SYNE1: variants seen among roughly 807,000 people sequenced by gnomAD.
SYNE1 encodes the protein spectrin repeat containing nuclear envelope protein 1.
A neutral mutation model predicts 1,111.0 loss-of-function variants in SYNE1; 616 were observed. That is an observed-to-expected ratio of 0.55 (90% CI 0.52 to 0.59). The LOEUF (loss-of-function observed/expected upper bound fraction) is 0.59, where lower values mean the gene tolerates loss of function less well. Among genes scored for constraint, SYNE1 ranks in the 20% least tolerant of loss-of-function variants. SYNE1 has a pLI of 0.00. For synonymous variants in SYNE1, 3,855 were observed against 3,825.8 expected (o/e 1.01, Z -0.28); for missense variants, 10,006 against 10,417.0 (o/e 0.96, Z 1.72).
At chr6:152,186,389 T>G (rs1356373490) in intron 128 of SYNE1, among the ~76,000 whole-genome samples, 3 of 151,110 alleles carry the variant, frequency 2.0e-5, no homozygotes, top group Admixed American at 6.6e-5. Flanking sequence ...AAACCCTGTC[T>G]CTACTAAAAA....
chr6:152,359,061 A>G (rs533260651), intron 65 of SYNE1, among the ~76,000 whole-genome samples: 17 of 152,346 alleles, frequency 1.1e-4, no homozygotes, highest in Non-Finnish European at 1.5e-4. Flanking sequence ...GAAGGTGTCC[A>G]GAATTTTTTT....
intron 4 of SYNE1, among the ~76,000 whole-genome samples, chr6:152,527,940 T>C (rs2099170845): frequency 6.6e-6 from 1 of 152,150 alleles, no homozygotes; most frequent in African/African-American, 2.4e-5. Context: ...GTGCTTTCCT[T>C]TTCCCTCCAG....
At chr6:152,499,170 A>C (rs1304369223) in intron 10 of SYNE1, among the ~76,000 whole-genome samples, 2 of 152,152 alleles carry the variant, frequency 1.3e-5, no homozygotes, top group African/African-American at 4.8e-5. Flanking sequence ...CCTCATAAGA[A>C]TTAAGAATGT....
At chr6:152,413,973 T>C (rs1427427036) in intron 41 of SYNE1, among the ~76,000 whole-genome samples, 3 of 145,400 alleles carry the variant, frequency 2.1e-5, no homozygotes, top group Admixed American at 7.3e-5. Context: ...TTAGCTTTAC[T>C]GAGCTCTGCA....
intron 3 of SYNE1, among the ~76,000 whole-genome samples, chr6:152,586,268 T>C (rs1411277851): frequency 6.6e-6 from 1 of 152,202 alleles, no homozygotes; most frequent in African/African-American, 2.4e-5. Flanking sequence ...AAGAGTGCAA[T>C]TTTAGCTTAA....
chr6:152,362,950 G>C (rs1242620085), intron 63 of SYNE1, among the ~76,000 whole-genome samples: 2 of 150,960 alleles, frequency 1.3e-5, no homozygotes, highest in African/African-American at 2.4e-5. Context: ...GCGCGATCTC[G>C]GCTCACTGCA....
intron 11 of SYNE1, among the ~76,000 whole-genome samples, chr6:152,488,842 T>C (rs552140524): frequency 9.2e-5 from 14 of 152,282 alleles, no homozygotes; most frequent in Non-Finnish European, 1.5e-4. Flanking sequence ...TCCTGTGGGT[T>C]GCTTCCTACC....
chr6:152,613,804 C>G (rs1299799738), intron 3 of SYNE1, among the ~76,000 whole-genome samples: 1 of 125,666 alleles, frequency 8.0e-6, no homozygotes, highest in Non-Finnish European at 1.9e-5. Context: ...AGCAATGGAA[C>G]AGAACAGAGC....
chr6:152,167,926 G>C, intron 130 of SYNE1: 1 of 769,270 alleles, frequency 1.3e-6, no homozygotes, highest in South Asian at 1.4e-5. Flanking sequence ...ATGCCCAGTA[G>C]AGGTACTAGA....
chr6:152,151,772 G>T, intron 134 of SYNE1, 82 bp from the exon 135 acceptor site: 1 of 1,553,982 alleles, frequency 6.4e-7, no homozygotes, highest in Non-Finnish European at 8.7e-7. Context: ...GCGAATTCCA[G>T]TGTTCTGTAA....
intron 95 of SYNE1, among the ~76,000 whole-genome samples, chr6:152,291,856 A>G (rs1033892552): frequency 2.0e-5 from 3 of 152,082 alleles, no homozygotes; most frequent in African/African-American, 7.2e-5. Context: ...TCTCAAATGC[A>G]CTCTAATCCA....
intron 3 of SYNE1, among the ~76,000 whole-genome samples, chr6:152,624,201 A>G (rs2099681544): frequency 6.6e-6 from 1 of 152,102 alleles, no homozygotes; most frequent in Non-Finnish European, 1.5e-5. Context: ...TTTTTTGTAT[A>G]TACAACACCT....
chr6:152,385,617 A>G (rs778516720), intron 55 of SYNE1, 57 bp downstream of exon 55: 8 of 1,592,618 alleles, frequency 5.0e-6, no homozygotes, highest in Non-Finnish European at 6.9e-6. Context: ...AATCTTTATC[A>G]AAAGTACTCA....
intron 78 of SYNE1, among the ~76,000 whole-genome samples, chr6:152,329,246 C>T (rs1181389174): frequency 1.3e-5 from 2 of 152,204 alleles, no homozygotes; most frequent in Non-Finnish European, 2.9e-5. Context: ...AATCACCTGG[C>T]CAGGCACGGT....
intron 34 of SYNE1, 73 bp from the exon 35 acceptor site, chr6:152,430,782 G>T: frequency 7.5e-7 from 1 of 1,339,904 alleles, no homozygotes; most frequent in Non-Finnish European, 1.1e-6. Flanking sequence ...ACAATTATCT[G>T]CAAAGAGGGA....
intron 48 of SYNE1, among the ~76,000 whole-genome samples, chr6:152,399,121 T>C (rs546711838): frequency 3.3e-5 from 5 of 152,254 alleles, no homozygotes; most frequent in African/African-American, 1.2e-4. Flanking sequence ...ACCTCCTCTT[T>C]TGGGGAGTCA....
At chr6:152,635,161 G>T (rs1447204566) in intron 2 of SYNE1, among the ~76,000 whole-genome samples, 2 of 152,198 alleles carry the variant, frequency 1.3e-5, no homozygotes, top group African/African-American at 4.8e-5. Context: ...TCCTCTCCCT[G>T]GCAGGAAGGA....
intron 100 of SYNE1, among the ~76,000 whole-genome samples, chr6:152,264,394 A>G (rs912572266): frequency 3.3e-5 from 5 of 151,988 alleles, no homozygotes; most frequent in African/African-American, 1.2e-4. Context: ...AAAGAATAAC[A>G]AGTGTGTTGG....
chr6:152,344,343 T>A, intron 73 of SYNE1, 116 bp from the exon 74 acceptor site: 1 of 1,492,688 alleles, frequency 6.7e-7, no homozygotes. Flanking sequence ...CCCAAGATTC[T>A]GCAATTTCAT....
Sources: gnomAD v4.1 joint callset for allele counts (sites outside exome capture counted in the v4.1 genomes callset) on GRCh38, gnomAD v4.1.1 for gene constraint, MANE v1.5 for transcripts, NCBI Gene and HGNC (gene_info 2026-07-23, HGNC 2026-07-21) for gene names.